Variants in PIEZO2 observed in about 807,000 individuals in gnomAD.
The protein encoded by PIEZO2 is piezo type mechanosensitive ion channel component 2.
In PIEZO2, 172 loss-of-function variants were observed where a neutral mutation model predicts 337.3. That is an observed-to-expected ratio of 0.51 (90% confidence interval 0.45 to 0.58). PIEZO2 has a LOEUF of 0.58. PIEZO2 is among the 20% of genes least tolerant of loss of function. The probability of loss-of-function intolerance (pLI) is 0.00; values close to 1 mark genes in which losing one functional copy is unlikely to be tolerated. For missense variants in PIEZO2, 3,028 were observed against 3,391.3 expected (o/e 0.89, Z 2.66); for synonymous variants, 1,251 against 1,228.5 (o/e 1.02, Z -0.38).
intron 4 of PIEZO2, chr18:10,908,318 T>C (rs1190452126): frequency 6.6e-6 from 1 of 152,256 alleles, no homozygotes; most frequent in Admixed American, 6.5e-5. Context: ...GCTGACTCAG[T>C]TACTTCTTTT....
chr18:10,861,230 A>G lies in PIEZO2; in HGVS notation c.493-4019T>C, dbSNP rs1332348034. On this transcript the variant is annotated intron_variant, in intron 5 of 55. Coordinates refer to ENST00000674853, the MANE Select transcript of PIEZO2 (RefSeq NM_001378183.1). This position sits in a 1 kb window ranked among gnomAD's most constrained non-coding sequence, Gnocchi z 4.3. ...AGAACTTCAATCTGGCCTTGAGGCT[A>G]AGGAGGAGGAAAGGCTGTAAATAAA... 1.3e-5 allele frequency among the ~76,000 whole-genome samples: 2 copies of G among 152,234 alleles called. No individual in the cohort carries two copies. The highest frequency in any genetic ancestry group is 2.9e-5 in the Non-Finnish European group (2 of 68,038).
chr18:10,686,252 T>C (rs1282286686), intron 49 of PIEZO2, among the ~76,000 whole-genome samples: 1 of 152,252 alleles, frequency 6.6e-6, no homozygotes, highest in Non-Finnish European at 1.5e-5. Context: ...ATCTAGCGAA[T>C]ATAAGATTCA....
chr18:10,887,194 T>C (rs1215802141), intron 4 of PIEZO2, among the ~76,000 whole-genome samples: 2 of 150,296 alleles, frequency 1.3e-5, no homozygotes, highest in Non-Finnish European at 3.0e-5. Context: ...CTCAGTCTCC[T>C]GATTAGCTGG....
At chr18:11,057,487 G>C (rs1387286036) in intron 2 of PIEZO2, among the ~76,000 whole-genome samples, 1 of 152,164 alleles carries the variant, frequency 6.6e-6, no homozygotes, top group Non-Finnish European at 1.5e-5. Flanking sequence ...GTATTGTAAA[G>C]TGATTTTCTG....
At position 10,877,756 on chromosome 18, in the gene PIEZO2, T is replaced by G. The variant is rs1329393499; in HGVS notation, c.330-6341A>C. On this transcript the variant is annotated intron_variant, in intron 4 of 55. Transcript: ENST00000674853. This position sits in a 1 kb window ranked among gnomAD's most constrained non-coding sequence, Gnocchi z 5.3. ...CCTCCACATTAATATCAGAGTTTAG[T>G]TTTTAGCAGCATAAAGCTGATCATG... Among the ~76,000 whole-genome samples the G allele has an allele frequency of 6.6e-6, 1 of 152,074 alleles. No individual in the cohort carries two copies. Among genetic ancestry groups the G allele is most frequent in the East Asian group, 1.9e-4 (1 of 5,184 alleles).
chr18:10,715,708 A>G lies in PIEZO2; in HGVS notation c.5198T>C (p.Ile1733Thr). 4 of 1,536,866 alleles carry G rather than the reference A, an allele frequency of 2.6e-6. No homozygotes were observed. The highest frequency in any genetic ancestry group is 1.2e-5 in the South Asian group (1 of 84,002). ...TWLNSISREH[I>T]DISTVLRIER... The stretch of plus-strand genomic sequence containing the variant: ...AATTCTCAGAACTGTAGATATATCA[A>G]TATGCTCCCTTGAAATGGAGTTAAG... Residue 1733 changes from isoleucine to threonine, a missense_variant, in exon 38 of 56, where the codon ATT becomes ACT. Physicochemically the swap from Ile to Thr is moderately conservative, Grantham distance 89. Transcript: ENST00000674853.
intron 3 of PIEZO2, among the ~76,000 whole-genome samples, chr18:10,921,446 G>T (rs925359481): frequency 1.3e-5 from 2 of 152,124 alleles, no homozygotes; most frequent in Admixed American, 6.6e-5. Flanking sequence ...AGCTTAAATT[G>T]TAAAGATTTC....
chr18:10,977,822 T>A (rs2034503073), intron 3 of PIEZO2, among the ~76,000 whole-genome samples: 1 of 152,184 alleles, frequency 6.6e-6, no homozygotes, highest in South Asian at 2.1e-4. Context: ...TATACAAAAG[T>A]CATAGACTGT....
At position 11,116,902 on chromosome 18, in the gene PIEZO2, G is replaced by A. The variant is rs1241600781; in HGVS notation, c.64+31623C>T. ...GGCAGGAGGATCACTTGAGGTCAGG[G>A]GTTCAAAACCAGCCTGACCAACATG... On this transcript the variant is annotated intron_variant, in intron 1 of 55. Coordinates refer to ENST00000674853, the MANE Select transcript of PIEZO2 (RefSeq NM_001378183.1). This position sits in a 1 kb window ranked among gnomAD's most constrained non-coding sequence, Gnocchi z 5.0. Among the ~76,000 whole-genome samples the A allele has an allele frequency of 1.3e-5, 2 of 151,872 alleles. No homozygotes were observed. The highest frequency in any genetic ancestry group is 2.9e-5 in the Non-Finnish European group (2 of 67,964).
At chr18:10,941,676 A>C (rs1178817195) in intron 3 of PIEZO2, among the ~76,000 whole-genome samples, 2 of 152,242 alleles carry the variant, frequency 1.3e-5, no homozygotes, top group Non-Finnish European at 2.9e-5. Context: ...AACCCAAAGA[A>C]ACATAATTGG....
At chr18:10,814,886 G>A (rs1007778034) in intron 7 of PIEZO2, among the ~76,000 whole-genome samples, 2 of 152,180 alleles carry the variant, frequency 1.3e-5, no homozygotes, top group East Asian at 1.9e-4. Context: ...AGGAAGCTGC[G>A]TTTCTGTAAG....
intron 7 of PIEZO2, among the ~76,000 whole-genome samples, chr18:10,832,729 C>G (rs2040882336): frequency 6.6e-6 from 1 of 152,226 alleles, no homozygotes; most frequent in African/African-American, 2.4e-5. Flanking sequence ...GGTGGCTCCA[C>G]CCGCCCAGGA....
chr18:11,036,679 T>TA (rs2036933002), intron 2 of PIEZO2, among the ~76,000 whole-genome samples: 1 of 152,136 alleles, frequency 6.6e-6, no homozygotes, highest in Admixed American at 6.6e-5. Context: ...TTCACCAATG[T>TA]AACCGATATG....
rs1205878788 is a variant in PIEZO2 at position 10,752,617 on chromosome 18, T to C, written c.4167+19A>G. 6.5e-7 allele frequency: 1 copy of C among 1,536,274 alleles called. No homozygotes were observed. The highest frequency in any genetic ancestry group is 1.2e-5 in the South Asian group (1 of 84,002). On this transcript the variant is annotated intron_variant, in intron 28 of 55. Transcript: ENST00000674853. ...TTACACGAAAACCGCAAATGTGTTA[T>C]GCAGTGGCAACCACTTACTGACAGG...
In PIEZO2 at chr18:10,795,053, C is replaced by G. The variant is rs7236574; in HGVS notation, c.1528-51G>C. The stretch of plus-strand genomic sequence containing the variant: ...GACCATGGTCAATACAATGCTCAGT[C>G]CCCCCCGCCCTGGTAAGGTAAAAAC... On this transcript the variant is annotated intron_variant, in intron 12 of 55. Transcript: ENST00000674853. This position sits in a 1 kb window ranked among gnomAD's most constrained non-coding sequence, Gnocchi z 4.4. 4.2e-5 allele frequency: 58 copies of G among 1,394,944 alleles called. No homozygotes were observed. The highest frequency in any genetic ancestry group is 4.0e-5 in the Non-Finnish European group (41 of 1,017,008). The allele number at this position is 1,394,944 out of a possible 1,614,324, so 86.4% of individuals were successfully genotyped here.
In PIEZO2 at chr18:10,878,977, A is replaced by G. The variant is rs574044277; in HGVS notation, c.330-7562T>C. 6.6e-6 allele frequency among the ~76,000 whole-genome samples: 1 copy of G among 152,318 alleles called. No individual in the cohort carries two copies. Among genetic ancestry groups the G allele is most frequent in the South Asian group, 2.1e-4 (1 of 4,826 alleles). On this transcript the variant is annotated intron_variant, in intron 4 of 55. Transcript: ENST00000674853. The surrounding 1 kb of genome is among the most constrained non-coding windows in gnomAD (Gnocchi z 4.3). ...GGTGAGACTTTAAACTGAAAGCCAC[A>G]TGGAGTTTGTGCCTGGGAGCAAAGT...
intron 5 of PIEZO2, among the ~76,000 whole-genome samples, chr18:10,858,328 A>ACCC: frequency 7.4e-6 from 1 of 134,236 alleles, no homozygotes; most frequent in African/African-American, 3.0e-5. Context: ...ACCCAAAAAA[A>ACCC]AAAAAAAAAA....
At chr18:10,966,786 C>T (rs1051264424) in intron 3 of PIEZO2, among the ~76,000 whole-genome samples, 3 of 152,064 alleles carry the variant, frequency 2.0e-5, no homozygotes, top group African/African-American at 7.2e-5. Flanking sequence ...GCCCTTTCCC[C>T]CGAGTCCCCA....
In PIEZO2 at chr18:10,929,194, T is replaced by C. The variant is rs565227231; in HGVS notation, c.287-17966A>G. Among the ~76,000 whole-genome samples the C allele has an allele frequency of 1.3e-5, 2 of 152,296 alleles. No homozygotes were observed. Among genetic ancestry groups the C allele is most frequent in the African/African-American group, 2.4e-5 (1 of 41,582 alleles). ...GAGCCATAGAAAACACTCTTGTTTATGTGATGAGCTGGAGCACCTCAACTC... is the reference window on the plus strand; with the variant it reads ...GAGCCATAGAAAACACTCTTGTTTACGTGATGAGCTGGAGCACCTCAACTC... On this transcript the variant is annotated intron_variant, in intron 3 of 55. Coordinates refer to ENST00000674853, the MANE Select transcript of PIEZO2 (RefSeq NM_001378183.1). The surrounding 1 kb of genome is among the most constrained non-coding windows in gnomAD (Gnocchi z 5.6).
Sources: gnomAD v4.1 joint callset for allele counts (sites outside exome capture counted in the v4.1 genomes callset) on GRCh38, gnomAD v4.1.1 for gene constraint, Gnocchi (gnomAD v3.1) non-coding constraint, MANE v1.5 for transcripts, NCBI Gene and HGNC (gene_info 2026-07-23, HGNC 2026-07-21) for gene names.